Variants in FBXL7 observed in about 807,000 individuals in gnomAD.
FBXL7 encodes the protein F-box/LRR-repeat protein 7.
Under a neutral mutation model 38.3 loss-of-function variants are expected in FBXL7, and 12 were observed. The ratio of observed to expected loss-of-function variants is 0.31; its 90% CI spans 0.20 to 0.51. The LOEUF (loss-of-function observed/expected upper bound fraction) is 0.51. Ranked by LOEUF, FBXL7 falls within the 20% of genes least tolerant of loss-of-function variation. FBXL7 has a pLI of 0.98. For synonymous variants in FBXL7, 297 were observed against 300.9 expected (o/e 0.99, Z 0.13); for missense variants, 567 against 676.4 (o/e 0.84, Z 1.79).
chr5:15,547,416 C>T (rs944294714), intron 1 of FBXL7, among the ~76,000 whole-genome samples: 2 of 152,188 alleles, frequency 1.3e-5, no homozygotes, highest in Non-Finnish European at 2.9e-5. Flanking sequence ...CAGTGTGCAG[C>T]AGTGCAAGGT....
At chr5:15,755,049 A>G (rs933440296) in intron 2 of FBXL7, among the ~76,000 whole-genome samples, 4 of 152,152 alleles carry the variant, frequency 2.6e-5, no homozygotes, top group African/African-American at 7.2e-5. Flanking sequence ...TTATTTCTTC[A>G]TATTTAGGAA....
intron 2 of FBXL7, among the ~76,000 whole-genome samples, chr5:15,660,175 C>G (rs184354778): frequency 2.6e-5 from 4 of 152,330 alleles, no homozygotes; most frequent in Admixed American, 2.6e-4. Flanking sequence ...TAGGCCAGCT[C>G]TGGTAGAAAC....
chr5:15,500,808 C>A (rs999645863), intron 1 of FBXL7, 95 bp downstream of exon 1: 3 of 1,459,890 alleles, frequency 2.1e-6, no homozygotes, highest in Non-Finnish European at 2.8e-6. Flanking sequence ...CGCCCGCGGC[C>A]GTGACGCACC....
intron 2 of FBXL7, among the ~76,000 whole-genome samples, chr5:15,914,196 C>T (rs1352538885): frequency 1.3e-5 from 2 of 151,912 alleles, no homozygotes; most frequent in African/African-American, 4.8e-5. Context: ...ACCATCCTGG[C>T]TAACATGATA....
intron 2 of FBXL7, among the ~76,000 whole-genome samples, chr5:15,826,417 T>G (rs1052655072): frequency 2.0e-5 from 3 of 152,028 alleles, no homozygotes; most frequent in African/African-American, 4.8e-5. Flanking sequence ...AGCAGCAACA[T>G]TTTCTTTTTT....
chr5:15,621,799 A>G (rs1200475970), intron 2 of FBXL7, among the ~76,000 whole-genome samples: 1 of 152,222 alleles, frequency 6.6e-6, no homozygotes, highest in Non-Finnish European at 1.5e-5. Context: ...GGCTATTAAT[A>G]TGATATCTTG....
intron 2 of FBXL7, among the ~76,000 whole-genome samples, chr5:15,787,908 T>C (rs528735221): frequency 2.0e-5 from 3 of 151,580 alleles, no homozygotes; most frequent in East Asian, 4.0e-4. Flanking sequence ...TGACTTACCA[T>C]GATAGAAATG....
At chr5:15,838,341 A>G (rs796626039) in intron 2 of FBXL7, among the ~76,000 whole-genome samples, 66 of 152,242 alleles carry the variant, frequency 4.3e-4, no homozygotes, top group African/African-American at 1.4e-3. Context: ...ATAGATGGCC[A>G]TCATCTCATT....
At chr5:15,636,147 A>G (rs1404209471) in intron 2 of FBXL7, among the ~76,000 whole-genome samples, 4 of 151,576 alleles carry the variant, frequency 2.6e-5, no homozygotes, top group Non-Finnish European at 5.9e-5. Context: ...ATTTTATAAA[A>G]TATTTGTATA....
chr5:15,783,249 A>G (rs772691951), intron 2 of FBXL7, among the ~76,000 whole-genome samples: 9 of 152,218 alleles, frequency 5.9e-5, no homozygotes, highest in Non-Finnish European at 1.3e-4. Context: ...GCAATGAAGA[A>G]TGGGAACCAT....
At chr5:15,700,608 AATC>A (rs1177280984) in intron 2 of FBXL7, among the ~76,000 whole-genome samples, 1 of 152,216 alleles carries the variant, frequency 6.6e-6, no homozygotes, top group Non-Finnish European at 1.5e-5. Context: ...GAGTCATGCC[AATC>A]TAAGTATTTA....
chr5:15,724,947 A>G (rs1275867973), intron 2 of FBXL7, among the ~76,000 whole-genome samples: 1 of 152,174 alleles, frequency 6.6e-6, no homozygotes, highest in Non-Finnish European at 1.5e-5. Context: ...ATATATAAAC[A>G]AAGAGGCATG....
At position 15,785,934 on chromosome 5, in the gene FBXL7, C is replaced by T. The variant is rs570002608; in HGVS notation, c.128-141956C>T. Reference sequence around the variant, plus strand: ...GAGTGGCATCTGTAAAGCAATGGCACTTCTTAATTTTCATAATAAACAGAA... The same window carrying T: ...GAGTGGCATCTGTAAAGCAATGGCATTTCTTAATTTTCATAATAAACAGAA... On this transcript the variant is annotated intron_variant, in intron 2 of 3. Transcript: ENST00000504595. 5.9e-5 allele frequency among the ~76,000 whole-genome samples: 9 copies of T among 152,288 alleles called. No homozygotes were observed. The South Asian group carries it at 1.7e-3, about 28-fold the overall frequency.
At chr5:15,655,806 T>G (rs1221017148) in intron 2 of FBXL7, among the ~76,000 whole-genome samples, 1 of 152,144 alleles carries the variant, frequency 6.6e-6, no homozygotes, top group Non-Finnish European at 1.5e-5. Flanking sequence ...TAACTGCATA[T>G]CAAGAAGGTA....
At chr5:15,791,597 G>A (rs538971096) in intron 2 of FBXL7, among the ~76,000 whole-genome samples, 1 of 152,164 alleles carries the variant, frequency 6.6e-6, no homozygotes, top group Non-Finnish European at 1.5e-5. Flanking sequence ...CCCTAAAAGA[G>A]ATGGGAAGTT....
intron 2 of FBXL7, among the ~76,000 whole-genome samples, chr5:15,684,225 G>A (rs16867546): frequency 0.061 from 9,320 of 152,142 alleles, 311 homozygotes; most frequent in East Asian, 0.08. Context: ...ACAAGCCTAC[G>A]CACCTGCTCT....
At chr5:15,570,766 T>A (rs1738753366) in intron 1 of FBXL7, among the ~76,000 whole-genome samples, 1 of 152,198 alleles carries the variant, frequency 6.6e-6, no homozygotes, top group Non-Finnish European at 1.5e-5. Context: ...CTGAACTGTG[T>A]GTGCTGGTTC....
rs533207669 is a variant in FBXL7, at chr5:15,569,225, T to C, written c.38-46758T>C. Among the ~76,000 whole-genome samples, 17 of 152,314 alleles carry C rather than the reference T, an allele frequency of 1.1e-4. No individual in the cohort carries two copies. In the Middle Eastern group the frequency reaches 0.014, roughly 122 times the overall value. On this transcript the variant is annotated intron_variant, in intron 1 of 3. Transcript: ENST00000504595. ...TATTGATTCTTCCTACCTATGAGCA[T>C]GGAATGTTCTTCCATTTGTTTGTAT...
chr5:15,592,623 T>C (rs573262331), intron 1 of FBXL7, among the ~76,000 whole-genome samples: 1 of 152,214 alleles, frequency 6.6e-6, no homozygotes, highest in Non-Finnish European at 1.5e-5. Context: ...CATTTGTCCC[T>C]AAGTGTGTTT....
Sources: gnomAD v4.1 joint callset for allele counts (sites outside exome capture counted in the v4.1 genomes callset) on GRCh38, gnomAD v4.1.1 for gene constraint, MANE v1.5 for transcripts, NCBI Gene and HGNC (gene_info 2026-07-23, HGNC 2026-07-21) for gene names.